Variants in IMMP2L observed in about 807,000 individuals in gnomAD.
The protein encoded by IMMP2L is mitochondrial inner membrane protease subunit 2.
In IMMP2L, 18 loss-of-function variants were observed where a neutral mutation model predicts 19.3. The observed-to-expected ratio is 0.93, with a 90% confidence interval of 0.64 to 1.38. The LOEUF (loss-of-function observed/expected upper bound fraction) is 1.38. Ranked by LOEUF, IMMP2L falls within the 40% of genes most tolerant of loss-of-function variation. The pLI, the probability that IMMP2L is intolerant of heterozygous loss-of-function variation, is 0.00. For synonymous variants in IMMP2L, 76 were observed against 73.0 expected, an observed-to-expected ratio of 1.04 and a Z score of -0.21; for missense variants, 233 against 218.2, an observed-to-expected ratio of 1.07 and a Z score of -0.43.
At chr7:110,897,521 T>G (rs1340832377) in intron 4 of IMMP2L, among the ~76,000 whole-genome samples, 4 of 152,192 alleles carry the variant, frequency 2.6e-5, no homozygotes, top group Non-Finnish European at 5.9e-5. Context: ...ATAATCTTTT[T>G]GGAAGCAATC....
intron 5 of IMMP2L, among the ~76,000 whole-genome samples, chr7:110,788,251 T>G (rs1354159377): frequency 6.6e-6 from 1 of 152,076 alleles, no homozygotes; most frequent in Non-Finnish European, 1.5e-5. Context: ...GAACCCTCAC[T>G]AAGCTGGGTT....
At chr7:110,699,004 G>A (rs1288578013) in intron 5 of IMMP2L, among the ~76,000 whole-genome samples, 1 of 152,200 alleles carries the variant, frequency 6.6e-6, no homozygotes, top group African/African-American at 2.4e-5. Flanking sequence ...TGTCAGCGGA[G>A]TGTCAAACAG....
chr7:110,997,894 C>T (rs1823211700), intron 3 of IMMP2L, among the ~76,000 whole-genome samples: 1 of 152,004 alleles, frequency 6.6e-6, no homozygotes, highest in African/African-American at 2.4e-5. Context: ...TCAGAACTTG[C>T]CAAGTTCTTC....
chr7:110,934,911 C>T (rs1815909858), intron 4 of IMMP2L, among the ~76,000 whole-genome samples: 1 of 152,118 alleles, frequency 6.6e-6, no homozygotes, highest in South Asian at 2.1e-4. Flanking sequence ...AGATGGGTCT[C>T]CTAAATATAG....
At chr7:111,010,246 A>G (rs1824794764) in intron 3 of IMMP2L, among the ~76,000 whole-genome samples, 1 of 152,130 alleles carries the variant, frequency 6.6e-6, no homozygotes, top group African/African-American at 2.4e-5. Context: ...TGCTATTTAA[A>G]ATATAAATGC....
chr7:111,451,409 G>T (rs1490717902), intron 3 of IMMP2L, among the ~76,000 whole-genome samples: 1 of 150,434 alleles, frequency 6.6e-6, no homozygotes. Context: ...CATGTCCTTT[G>T]TAGGGACATG....
intron 3 of IMMP2L, among the ~76,000 whole-genome samples, chr7:111,363,391 A>C (rs976219348): frequency 1.3e-5 from 2 of 152,118 alleles, no homozygotes; most frequent in African/African-American, 4.8e-5. Context: ...GGACCTAAGA[A>C]GCAGAGAAAT....
At chr7:110,851,411 T>C (rs780746964) in intron 5 of IMMP2L, among the ~76,000 whole-genome samples, 3 of 152,272 alleles carry the variant, frequency 2.0e-5, no homozygotes, top group South Asian at 4.1e-4. Context: ...TAAGCAAACT[T>C]TGGCCAATGG....
chr7:110,795,651 A>T (rs1417637957), intron 5 of IMMP2L, among the ~76,000 whole-genome samples: 1 of 152,084 alleles, frequency 6.6e-6, no homozygotes, highest in South Asian at 2.1e-4. Context: ...TGCACAGTCA[A>T]TCTGGGATTC....
chr7:110,741,131 A>G (rs1796963025), intron 5 of IMMP2L, among the ~76,000 whole-genome samples: 1 of 152,126 alleles, frequency 6.6e-6, no homozygotes, highest in Non-Finnish European at 1.5e-5. Context: ...GTTTATATAT[A>G]CCATGGAATA....
chr7:111,058,587 G>C (rs1793725740), intron 3 of IMMP2L, among the ~76,000 whole-genome samples: 1 of 152,130 alleles, frequency 6.6e-6, no homozygotes, highest in African/African-American at 2.4e-5. Context: ...GGGATGATTA[G>C]AGATGAAAGA....
At chr7:111,442,614 T>G (rs954664322) in intron 3 of IMMP2L, among the ~76,000 whole-genome samples, 1 of 151,736 alleles carries the variant, frequency 6.6e-6, no homozygotes, top group Non-Finnish European at 1.5e-5. Flanking sequence ...AAGGCCGAAG[T>G]GTCAACCGCA....
intron 5 of IMMP2L, among the ~76,000 whole-genome samples, chr7:110,682,142 C>T (rs1393650193): frequency 6.6e-6 from 1 of 152,092 alleles, no homozygotes; most frequent in Non-Finnish European, 1.5e-5. Context: ...ACTCTCAGAT[C>T]TCTCACAGCA....
intron 3 of IMMP2L, among the ~76,000 whole-genome samples, chr7:111,112,164 C>T (rs534465693): frequency 1.1e-4 from 16 of 151,604 alleles, no homozygotes; most frequent in East Asian, 1.9e-4. Flanking sequence ...GACTGGGTTT[C>T]GCCATGTTGG....
chr7:111,512,071 A>C (rs1315177712), intron 2 of IMMP2L, among the ~76,000 whole-genome samples: 1 of 152,176 alleles, frequency 6.6e-6, no homozygotes, highest in Non-Finnish European at 1.5e-5. Flanking sequence ...TATACACGTA[A>C]CTGTACACAA....
intron 1 of IMMP2L, among the ~76,000 whole-genome samples, chr7:111,540,342 T>A (rs549783647): frequency 1.2e-4 from 19 of 152,188 alleles, no homozygotes; most frequent in African/African-American, 3.9e-4. Flanking sequence ...AACAGAAACC[T>A]CCTGCCAACC....
chr7:110,971,562 A>G (rs2129556643), intron 3 of IMMP2L, among the ~76,000 whole-genome samples: 1 of 152,228 alleles, frequency 6.6e-6, no homozygotes, highest in East Asian at 1.9e-4. Context: ...TGGAGCTTAG[A>G]TGTTGTTCTG....
At chr7:111,476,811 CT>C (rs1841766403) in intron 3 of IMMP2L, among the ~76,000 whole-genome samples, 1 of 152,118 alleles carries the variant, frequency 6.6e-6, no homozygotes, top group African/African-American at 2.4e-5. Context: ...TCCTTTGGAT[CT>C]CTCACTTCAT....
intron 5 of IMMP2L, among the ~76,000 whole-genome samples, chr7:110,702,116 G>A (rs1342810948): frequency 6.7e-6 from 1 of 150,150 alleles, no homozygotes; most frequent in Non-Finnish European, 1.5e-5. Context: ...TGTATGTTTT[G>A]TAGAGACGGA....
Sources: allele counts gnomAD v4.1 joint callset (sites outside exome capture counted in the v4.1 genomes callset), GRCh38; gene constraint gnomAD v4.1.1; transcripts MANE v1.5; gene names NCBI Gene and HGNC (gene_info 2026-07-23, HGNC 2026-07-21).